The following SLC24A3 variants were observed in gnomAD, a reference collection of about 807,000 sequenced individuals.
SLC24A3 encodes the protein sodium/potassium/calcium exchanger 3.
A neutral mutation model predicts 75.8 loss-of-function variants in SLC24A3; 28 were observed. That is an observed-to-expected ratio of 0.37 (90% confidence interval 0.27 to 0.51). The LOEUF is 0.51. Among genes scored for constraint, SLC24A3 ranks in the 20% least tolerant of loss-of-function variants. The pLI is 0.94. For missense variants in SLC24A3, 663 were observed against 847.8 expected (o/e 0.78, Z 2.71); for synonymous variants, 372 against 334.1 (o/e 1.11, Z -1.24).
At chr20:19,364,904 C>G (rs895032485) in intron 2 of SLC24A3, among the ~76,000 whole-genome samples, 3 of 152,104 alleles carry the variant, frequency 2.0e-5, no homozygotes, top group Non-Finnish European at 4.4e-5. Flanking sequence ...CACGGAGGAG[C>G]AGCAGGAGAA....
chr20:19,608,200 C>T (rs554786670), intron 6 of SLC24A3, among the ~76,000 whole-genome samples: 4 of 152,198 alleles, frequency 2.6e-5, no homozygotes, highest in South Asian at 2.1e-4. Flanking sequence ...TGGTGTGGGC[C>T]GATGATAGTC....
intron 3 of SLC24A3, among the ~76,000 whole-genome samples, chr20:19,533,746 C>T (rs946882588): frequency 6.6e-6 from 1 of 152,184 alleles, no homozygotes; most frequent in Admixed American, 6.5e-5. Flanking sequence ...ATCCCAGCAG[C>T]ATTGAAAGCC....
intron 7 of SLC24A3, among the ~76,000 whole-genome samples, chr20:19,658,871 C>T (rs2032294432): frequency 6.6e-6 from 1 of 152,232 alleles, no homozygotes; most frequent in Non-Finnish European, 1.5e-5. Context: ...AGCACTTCAA[C>T]TCTGGGTATC....
At chr20:19,303,045 G>T (rs1406883805) in intron 2 of SLC24A3, among the ~76,000 whole-genome samples, 1 of 151,784 alleles carries the variant, frequency 6.6e-6, no homozygotes, top group Non-Finnish European at 1.5e-5. Context: ...TGGTGCATGT[G>T]TGAGTTTGTT....
chr20:19,520,378 G>A (rs1029396309), intron 3 of SLC24A3, among the ~76,000 whole-genome samples: 3 of 152,282 alleles, frequency 2.0e-5, no homozygotes, highest in African/African-American at 7.2e-5. Context: ...TCCTCAGGTT[G>A]ATCAGAGCAG....
chr20:19,666,524 A>C lies in SLC24A3; in HGVS notation c.713+635A>C, dbSNP rs142886866. ...CCATCCCCCACCCCCCAAAAAAAAA[A>C]TTGTGTCCAAACCAAGCTCCATGTT... is the stretch of plus-strand genomic sequence containing the variant. On this transcript the variant is annotated intron_variant, in intron 8 of 16. Transcript: ENST00000328041. Among the ~76,000 whole-genome samples, 34 of 152,124 alleles carry C rather than the reference A, an allele frequency of 2.2e-4. 1 individual carries two copies. In the East Asian group the frequency reaches 6.4e-3, roughly 29 times the overall value.
At chr20:19,539,561 C>G (rs2030459912) in intron 3 of SLC24A3, among the ~76,000 whole-genome samples, 1 of 152,146 alleles carries the variant, frequency 6.6e-6, no homozygotes, top group Non-Finnish European at 1.5e-5. Flanking sequence ...CTCCATTTTA[C>G]AGATTTAAAA....
chr20:19,425,245 G>T (rs898371217), intron 2 of SLC24A3, among the ~76,000 whole-genome samples: 9 of 152,016 alleles, frequency 5.9e-5, no homozygotes, highest in African/African-American at 1.7e-4. Context: ...GGAGGTTGCA[G>T]TGAGCCAAGA....
chr20:19,385,334 T>A (rs1443946618), intron 2 of SLC24A3, among the ~76,000 whole-genome samples: 1 of 152,200 alleles, frequency 6.6e-6, no homozygotes, highest in African/African-American at 2.4e-5. Flanking sequence ...GTATATGGTG[T>A]GAGATAATGG....
chr20:19,470,756 G>A (rs764311896), intron 2 of SLC24A3, among the ~76,000 whole-genome samples: 2 of 152,180 alleles, frequency 1.3e-5, no homozygotes, highest in Admixed American at 6.5e-5. Flanking sequence ...GATCACACAC[G>A]TATGCATGTT....
At chr20:19,235,853 C>T (rs1023829541) in intron 1 of SLC24A3, among the ~76,000 whole-genome samples, 6 of 152,200 alleles carry the variant, frequency 3.9e-5, no homozygotes, top group African/African-American at 1.4e-4. Flanking sequence ...GATTTCTGCT[C>T]CAGCCTACCT....
At chr20:19,405,140 C>T (rs1175674604) in intron 2 of SLC24A3, among the ~76,000 whole-genome samples, 1 of 152,162 alleles carries the variant, frequency 6.6e-6, no homozygotes, top group East Asian at 1.9e-4. Flanking sequence ...CCCAGCTTCT[C>T]TGGAATCTTA....
intron 2 of SLC24A3, among the ~76,000 whole-genome samples, chr20:19,471,483 G>A (rs553637242): frequency 6.6e-6 from 1 of 152,214 alleles, no homozygotes; most frequent in African/African-American, 2.4e-5. Context: ...GATGTTGAAT[G>A]CATGTGTGTT....
intron 2 of SLC24A3, among the ~76,000 whole-genome samples, chr20:19,364,786 C>CT (rs1238627710): frequency 3.3e-5 from 5 of 152,124 alleles, no homozygotes; most frequent in African/African-American, 1.2e-4. Context: ...TTCACCTTGC[C>CT]TCAGCATCCC....
chr20:19,477,342 C>A (rs557663752), intron 2 of SLC24A3, among the ~76,000 whole-genome samples: 8 of 152,236 alleles, frequency 5.3e-5, no homozygotes, highest in Middle Eastern at 3.4e-3. Context: ...GTGTGGATGC[C>A]ACTAACGTTT....
At chr20:19,665,082 T>G (rs555885672) in intron 7 of SLC24A3, among the ~76,000 whole-genome samples, 16 of 152,330 alleles carry the variant, frequency 1.1e-4, no homozygotes, top group Admixed American at 1.0e-3. Context: ...TTCAGTAGAT[T>G]AAATCCTGCC....
At chr20:19,461,529 C>CTTT (rs11468628) in intron 2 of SLC24A3, among the ~76,000 whole-genome samples, 188 of 101,404 alleles carry the variant, frequency 1.9e-3, no homozygotes, top group Middle Eastern at 7.1e-3. Flanking sequence ...TCTTTTTTTT[C>CTTT]TTTTTTTTTT....
chr20:19,318,173 G>C (rs1422627886), intron 2 of SLC24A3, among the ~76,000 whole-genome samples: 1 of 152,120 alleles, frequency 6.6e-6, no homozygotes, highest in Non-Finnish European at 1.5e-5. Context: ...TGCCCAGTAG[G>C]ATTATGCTCC....
chr20:19,350,833 G>C (rs1028362636), intron 2 of SLC24A3, among the ~76,000 whole-genome samples: 1 of 152,148 alleles, frequency 6.6e-6, no homozygotes, highest in Admixed American at 6.5e-5. Context: ...GGTACAGACC[G>C]TGCTGTTTCT....
Sources: gnomAD v4.1 joint callset for allele counts (sites outside exome capture counted in the v4.1 genomes callset) on GRCh38, gnomAD v4.1.1 for gene constraint, MANE v1.5 for transcripts, NCBI Gene and HGNC (gene_info 2026-07-23, HGNC 2026-07-21) for gene names.